The following CFAP74 variants were observed in gnomAD, a reference collection of about 807,000 sequenced individuals.
CFAP74 encodes the protein cilia- and flagella-associated protein 74.
A neutral mutation model predicts 188.9 loss-of-function variants in CFAP74; 124 were observed. The ratio of observed to expected loss-of-function variants is 0.66; its 90% CI spans 0.57 to 0.76. The LOEUF is 0.76. Among genes scored for constraint, CFAP74 ranks in the 30% least tolerant of loss-of-function variants. The pLI, the probability that CFAP74 is intolerant of heterozygous loss-of-function variation, is 0.00. For missense variants in CFAP74, 2,198 were observed against 2,165.2 expected, an observed-to-expected ratio of 1.02 and a Z score of -0.30; for synonymous variants, 956 against 916.7, an observed-to-expected ratio of 1.04 and a Z score of -0.77.
Position 1,946,341 on chromosome 1 carries a change from CG to C in CFAP74, c.2339del (p.Thr780SerfsTer32), listed in dbSNP as rs1211389249. On this transcript the variant is annotated frameshift_variant, in exon 20 of 39. Coordinates refer to ENST00000682832, the MANE Select transcript of CFAP74 (RefSeq NM_001304360.2). LOFTEE classifies it high-confidence loss of function. ...CCGTGGGGCACTGGGGGTTCTTAAA[CG>C]TGACTTTGAACCTGGCTTGGACGTC... ...PGDVQARFKV[T>X]FKNPQCPTLH... is the part of the protein sequence containing the mutation. The C allele has an allele frequency of 6.5e-7, 1 of 1,536,550 alleles. No homozygotes were observed. Among genetic ancestry groups the C allele is most frequent in the Non-Finnish European group, 8.7e-7 (1 of 1,146,806 alleles).
At position 1,926,402 on chromosome 1, in the gene CFAP74, TC is replaced by T. The variant is rs749579369; in HGVS notation, c.3828+54del. The stretch of plus-strand genomic sequence containing the variant: ...GGTGTCTGCAGGCTCTACCACGCCC[TC>T]CCCGGTCCCCGCTCCCACCCCGCAG... On this transcript the variant is annotated intron_variant, in intron 31 of 38. Transcript: ENST00000682832. 2.6e-4 allele frequency: 409 copies of T among 1,549,898 alleles called. 1 individual carries two copies. The Middle Eastern group carries it at 8.0e-3, about 30-fold the overall frequency.
chr1:1,924,667 T>C, intron 33 of CFAP74, 147 bp from the exon 34 acceptor site: 1 of 804,352 alleles, frequency 1.2e-6, no homozygotes, highest in Non-Finnish European at 1.9e-6. Flanking sequence ...CACGTGGCGG[T>C]TTATTGAGCT....
chr1:1,950,049 G>GGT (rs1654109132), intron 18 of CFAP74, among the ~76,000 whole-genome samples: 1 of 152,144 alleles, frequency 6.6e-6, no homozygotes, highest in Admixed American at 6.5e-5. Context: ...GGCCTTGGTG[G>GGT]GTGTCTGGCT....
chr1:2,001,687 C>T (rs1327629376), intron 1 of CFAP74, among the ~76,000 whole-genome samples: 2 of 152,164 alleles, frequency 1.3e-5, no homozygotes, highest in Non-Finnish European at 2.9e-5. Flanking sequence ...GCAGATACCA[C>T]CTTAATCAAG....
intron 1 of CFAP74, among the ~76,000 whole-genome samples, chr1:1,993,198 C>CAAAAAAAA (rs58970740): frequency 1.1e-5 from 1 of 90,474 alleles, no homozygotes; most frequent in Non-Finnish European, 2.3e-5. Context: ...AAGACTGTCT[C>CAAAAAAAA]AAAAAAAAAA....
chr1:1,923,231 C>T lies in CFAP74; in HGVS notation c.4523-86G>A. On this transcript the variant is annotated intron_variant, in intron 36 of 38. Coordinates refer to ENST00000682832, the MANE Select transcript of CFAP74 (RefSeq NM_001304360.2). The surrounding 1 kb of genome is among the most constrained non-coding windows in gnomAD (Gnocchi z 6.3). Reference sequence around the variant, plus strand: ...AGCTGGACTCCTGAACTCTGGTTAGCAGTGGCTGTCCTGCTTGGCTCTGGG... The same window carrying T: ...AGCTGGACTCCTGAACTCTGGTTAGTAGTGGCTGTCCTGCTTGGCTCTGGG... The T allele has an allele frequency of 6.7e-7, 1 of 1,502,246 alleles. No homozygotes were observed. The highest frequency in any genetic ancestry group is 9.0e-7 in the Non-Finnish European group (1 of 1,117,236). The allele number at this position is 1,502,246 out of a possible 1,614,324, so 93.1% of individuals were successfully genotyped here.
chr1:1,971,207 A>G (rs573244303), intron 9 of CFAP74, among the ~76,000 whole-genome samples: 8 of 151,118 alleles, frequency 5.3e-5, no homozygotes, highest in South Asian at 2.1e-4. Flanking sequence ...TTACATGCAC[A>G]CCTGCACACA....
intron 18 of CFAP74, among the ~76,000 whole-genome samples, chr1:1,951,213 A>G (rs949778317): frequency 1.3e-5 from 2 of 152,176 alleles, no homozygotes; most frequent in East Asian, 3.8e-4. Context: ...GCATGTTTAT[A>G]ACATCATCAG....
At chr1:1,989,017 A>C in intron 2 of CFAP74, 44 bp from the exon 3 acceptor site, 1 of 998,212 alleles carries the variant, frequency 1.0e-6, no homozygotes, top group Non-Finnish European at 1.5e-6. Flanking sequence ...AAAGCAGATC[A>C]AACATTTGCA....
chr1:1,966,167 AG>A (rs1346208736), intron 12 of CFAP74, among the ~76,000 whole-genome samples: 1 of 152,206 alleles, frequency 6.6e-6, no homozygotes, highest in Non-Finnish European at 1.5e-5. Flanking sequence ...GGTGCCCTCC[AG>A]GCTCCGCGAA....
chr1:1,991,935 G>A (rs1452572148), intron 1 of CFAP74, among the ~76,000 whole-genome samples: 1 of 151,766 alleles, frequency 6.6e-6, no homozygotes, highest in African/African-American at 2.4e-5. Context: ...AGCTACTCGG[G>A]AGGCTGAGGC....
intron 1 of CFAP74, among the ~76,000 whole-genome samples, chr1:2,001,731 C>T (rs1053794967): frequency 8.5e-5 from 13 of 152,170 alleles, no homozygotes; most frequent in Non-Finnish European, 1.8e-4. Context: ...AACGTGACAA[C>T]GTGACCACTG....
rs529773077 is a variant in CFAP74, at chr1:1,938,071, C to A, written c.3011+784G>T. Reference sequence around the variant, plus strand: ...GCACTCACACTCAACCTTACACACCCAACACACACGCACTCACACTCAACC... The same window carrying A: ...GCACTCACACTCAACCTTACACACCAAACACACACGCACTCACACTCAACC... On this transcript the variant is annotated intron_variant, in intron 25 of 38. Coordinates refer to ENST00000682832, the MANE Select transcript of CFAP74 (RefSeq NM_001304360.2). Among the ~76,000 whole-genome samples the A allele has an allele frequency of 1.3e-4, 19 of 148,856 alleles. No individual in the cohort carries two copies. The South Asian group carries it at 2.8e-3, about 22-fold the overall frequency.
intron 12 of CFAP74, 85 bp from the exon 13 acceptor site, chr1:1,965,146 T>G: frequency 7.3e-7 from 1 of 1,362,472 alleles, no homozygotes; most frequent in Non-Finnish European, 1.0e-6. Context: ...AGGGTAGCGG[T>G]TAGCAGAGCA....
chr1:1,946,581 C>T, intron 19 of CFAP74, 142 bp from the exon 20 acceptor site: 1 of 1,074,880 alleles, frequency 9.3e-7, no homozygotes. Context: ...CACAGATGTC[C>T]TGGGCCTGGC....
At chr1:1,988,411 C>T (rs1480893197) in intron 4 of CFAP74, 101 bp downstream of exon 4, 1 of 1,457,176 alleles carries the variant, frequency 6.9e-7, no homozygotes, top group African/African-American at 1.4e-5. Context: ...CCTTGCAGGC[C>T]CTCAGGGTGA....
chr1:1,933,186 T>G (rs1048924377), intron 25 of CFAP74, among the ~76,000 whole-genome samples: 26 of 104,434 alleles, frequency 2.5e-4, no homozygotes, highest in Non-Finnish European at 2.0e-5. Context: ...GTGCCTGACC[T>G]TTTTTTTTTT....
rs1298263420 is a variant in CFAP74, at chr1:1,965,041, G to A, written c.1422C>T (p.Asp474=). 6.2e-7 allele frequency: 1 copy of A among 1,613,154 alleles called. No individual in the cohort carries two copies. Among genetic ancestry groups the A allele is most frequent in the South Asian group, 1.1e-5 (1 of 91,042 alleles). Residue 474 remains aspartate, a synonymous_variant, in exon 13 of 39, where the codon GAC becomes GAT. Coordinates refer to ENST00000682832, the MANE Select transcript of CFAP74 (RefSeq NM_001304360.2). ...KPYQVPKEDV[D]RKPVGGTKMD... Reference sequence around the variant, plus strand: ...TCTTTGTCCCGCCCACGGGCTTTCGGTCCACGTCCTCCTTGGGCACCTGGG... The same window carrying A: ...TCTTTGTCCCGCCCACGGGCTTTCGATCCACGTCCTCCTTGGGCACCTGGG...
At position 1,947,005 on chromosome 1, in the gene CFAP74, CTCCG is replaced by C. The variant is rs1239763132; in HGVS notation, c.2222_2225del (p.Thr741ArgfsTer7). 13 of 1,536,046 alleles carry C rather than the reference CTCCG, an allele frequency of 8.5e-6. No homozygotes were observed. Among genetic ancestry groups the C allele is most frequent in the Non-Finnish European group, 1.1e-5 (13 of 1,146,804 alleles). The stretch of plus-strand genomic sequence containing the variant: ...GCTGGCTGACCTCCCCCAGCGTGAT[CTCCG>C]TCTGCTCTTCGCTGGGAGGTATCAC... On this transcript the variant is annotated frameshift_variant, in exon 19 of 39. Coordinates refer to ENST00000682832, the MANE Select transcript of CFAP74 (RefSeq NM_001304360.2). LOFTEE classifies it high-confidence loss of function.
Sources: allele counts gnomAD v4.1 joint callset (sites outside exome capture counted in the v4.1 genomes callset), GRCh38; gene constraint gnomAD v4.1.1; non-coding constraint Gnocchi (gnomAD v3.1); transcripts MANE v1.5; gene names NCBI Gene and HGNC (gene_info 2026-07-23, HGNC 2026-07-21).